The following EIF3E variants were observed in gnomAD, a reference collection of about 807,000 sequenced individuals.
The protein encoded by EIF3E is eIF-3 p48.
Under a neutral mutation model 59.3 loss-of-function variants are expected in EIF3E, and 25 were observed. The observed-to-expected ratio is 0.42, with a 90% confidence interval of 0.31 to 0.59. The LOEUF (loss-of-function observed/expected upper bound fraction) is 0.59. Among genes scored for constraint, EIF3E ranks in the 20% least tolerant of loss-of-function variants. The pLI, the probability that EIF3E is intolerant of heterozygous loss-of-function variation, is 0.15. For missense variants in EIF3E, 317 were observed against 534.3 expected, an observed-to-expected ratio of 0.59 and a Z score of 4.01; for synonymous variants, 176 against 170.2, an observed-to-expected ratio of 1.03 and a Z score of -0.26.
At chr8:108,229,237 G>C (rs1563633822) in intron 5 of EIF3E, 42 bp from the exon 6 acceptor site, 1 of 1,592,006 alleles carries the variant, frequency 6.3e-7, no homozygotes, top group East Asian at 2.2e-5. Flanking sequence ...GAATACTCTT[G>C]AAAAATGAAC....
chr8:108,203,987 AT>A (rs1248139346), intron 10 of EIF3E, among the ~76,000 whole-genome samples: 1 of 152,114 alleles, frequency 6.6e-6, no homozygotes, highest in Admixed American at 6.6e-5. Flanking sequence ...CCAATACAGT[AT>A]AACACCTATT....
chr8:108,242,777 C>A, intron 1 of EIF3E: 1 of 543,252 alleles, frequency 1.8e-6, no homozygotes, highest in Non-Finnish European at 2.4e-6. Context: ...ACCAAATGGC[C>A]AACAGACACA....
chr8:108,224,655 T>C (rs1204936350), intron 7 of EIF3E, among the ~76,000 whole-genome samples: 5 of 151,558 alleles, frequency 3.3e-5, no homozygotes, highest in Admixed American at 3.3e-4. Context: ...TACTACTGAG[T>C]AGTTTTCTTT....
chr8:108,208,763 A>C (rs1815154626), intron 10 of EIF3E, among the ~76,000 whole-genome samples: 1 of 152,102 alleles, frequency 6.6e-6, no homozygotes, highest in Non-Finnish European at 1.5e-5. Context: ...CATGTTTATC[A>C]TACACATCCA....
chr8:108,229,211 T>A lies in EIF3E; in HGVS notation c.472-16A>T, dbSNP rs1815576297. 2 of 1,610,298 alleles carry A rather than the reference T, an allele frequency of 1.2e-6. No homozygotes were observed. Among genetic ancestry groups the A allele is most frequent in the Non-Finnish European group, 1.7e-6 (2 of 1,177,750 alleles). ...TTGCTGGAACCTGTTTAAGAAATCA[T>A]AATTAATTATATTGTGAATACTCTT... On this transcript the variant is annotated splice_polypyrimidine_tract_variant and intron_variant, in intron 5 of 12. Coordinates refer to ENST00000220849, the MANE Select transcript of EIF3E (RefSeq NM_001568.3).
intron 7 of EIF3E, among the ~76,000 whole-genome samples, chr8:108,219,963 T>G (rs576095465): frequency 1.1e-3 from 167 of 152,164 alleles, no homozygotes; most frequent in African/African-American, 3.9e-3. Context: ...GCCAACACGG[T>G]GAAACCCTGT....
At position 108,201,343 on chromosome 8, in the gene EIF3E, T is replaced by C. The variant is rs1814993175; in HGVS notation, c.*542A>G. 1 of 150,866 alleles carries C rather than the reference T, an allele frequency of 6.6e-6. No individual in the cohort carries two copies. The highest frequency in any genetic ancestry group is 2.1e-4 in the South Asian group (1 of 4,790). 9.3% of individuals were successfully genotyped at this position (150,866 alleles called of 1,614,324 possible). A position where few individuals can be genotyped will look rare whatever the true frequency, so the allele number is the denominator to read the frequency against. The stretch of plus-strand genomic sequence containing the variant: ...CTAATCTCAAAGGTTGTGTATTATG[T>C]AATTCCATTTATATAACATTCTCAT... On this transcript the variant is annotated 3_prime_UTR_variant, in exon 13 of 13. Coordinates refer to ENST00000220849, the MANE Select transcript of EIF3E (RefSeq NM_001568.3).
rs1815322900 is a variant in EIF3E, at chr8:108,217,326, AGT to A, written c.849+6_849+7del. On this transcript the variant is annotated splice_donor_region_variant and intron_variant, in intron 8 of 12. Transcript: ENST00000220849. ...AAAAAAAAAAATCAATATATATTTT[AGT>A]TTTACCTGTTGAATAACTTTAACTA... 2.0e-6 allele frequency: 3 copies of A among 1,525,406 alleles called. No individual in the cohort carries two copies. Among genetic ancestry groups the A allele is most frequent in the Non-Finnish European group, 2.6e-6 (3 of 1,137,458 alleles). The allele number at this position is 1,525,406 out of a possible 1,614,324, so 94.5% of individuals were successfully genotyped here.
At chr8:108,204,290 G>A (rs1815050104) in intron 10 of EIF3E, among the ~76,000 whole-genome samples, 1 of 151,960 alleles carries the variant, frequency 6.6e-6, no homozygotes, top group Non-Finnish European at 1.5e-5. Flanking sequence ...ATTCACTTAG[G>A]AACCAACCTA....
intron 7 of EIF3E, among the ~76,000 whole-genome samples, chr8:108,220,697 G>C (rs1194478222): frequency 6.6e-6 from 1 of 152,318 alleles, no homozygotes; most frequent in East Asian, 1.9e-4. Context: ...TCTCTCCCCA[G>C]ATCAACATGC....
chr8:108,231,838 C>T (rs1469599854), intron 5 of EIF3E: 8 of 151,606 alleles, frequency 5.3e-5, no homozygotes, highest in South Asian at 2.1e-4. Flanking sequence ...CTAAAATCCA[C>T]GAGTCTTTTC....
chr8:108,240,180 T>G (rs1563637567), intron 2 of EIF3E, 105 bp from the exon 3 acceptor site: 1 of 893,436 alleles, frequency 1.1e-6, no homozygotes, highest in East Asian at 2.4e-5. Context: ...ACTATACATA[T>G]ATTTATTTAC....
chr8:108,204,731 G>GTGTATATATATATATATA (rs1554597993), intron 10 of EIF3E, among the ~76,000 whole-genome samples: 2 of 86,782 alleles, frequency 2.3e-5, no homozygotes, highest in Non-Finnish European at 4.9e-5. Flanking sequence ...TAGTATGTAT[G>GTGTATATATATATATATA]TATATATATA....
chr8:108,213,157 A>G (rs1815242618), intron 10 of EIF3E, among the ~76,000 whole-genome samples: 1 of 152,184 alleles, frequency 6.6e-6, no homozygotes, highest in Non-Finnish European at 1.5e-5. Context: ...TACTTAATCT[A>G]TGTTCCTCTT....
chr8:108,241,977 A>G, intron 1 of EIF3E, 64 bp from the exon 2 acceptor site: 1 of 1,247,390 alleles, frequency 8.0e-7, no homozygotes, highest in South Asian at 1.4e-5. Context: ...GATTAATACT[A>G]AAACTAATTT....
Position 108,203,523 on chromosome 8 carries a change from A to C in EIF3E, c.1062-20T>G. On this transcript the variant is annotated intron_variant, in intron 10 of 12. Coordinates refer to ENST00000220849, the MANE Select transcript of EIF3E (RefSeq NM_001568.3). ...AACATGCTAATGAAAAAGTAAAAAC[A>C]GCAATGTTAATTAACTGGGCCTAAA... 1.2e-6 allele frequency: 2 copies of C among 1,604,328 alleles called. No homozygotes were observed. The highest frequency in any genetic ancestry group is 4.5e-5 in the East Asian group (2 of 44,728).
At chr8:108,215,767 T>C (rs1815290479) in intron 9 of EIF3E, among the ~76,000 whole-genome samples, 1 of 152,218 alleles carries the variant, frequency 6.6e-6, no homozygotes, top group Non-Finnish European at 1.5e-5. Flanking sequence ...AACTTGTGAA[T>C]CTGGTAAATG....
rs756249183 is a variant in EIF3E at position 108,203,146 on chromosome 8, TATA to T, written c.1165-32_1165-30del. 252 of 1,601,446 alleles carry T rather than the reference TATA, an allele frequency of 1.6e-4. 3 individuals carry two copies. The South Asian group carries it at 2.6e-3, about 17-fold the overall frequency. On this transcript the variant is annotated intron_variant, in intron 11 of 12. Coordinates refer to ENST00000220849, the MANE Select transcript of EIF3E (RefSeq NM_001568.3). ...AAAGGAAACACAGGGAAATTGATCC[TATA>T]ATGTTAATGACTGAGTTTCTCAGGT...
At chr8:108,237,496 C>A (rs896952634) in intron 3 of EIF3E, among the ~76,000 whole-genome samples, 11 of 152,218 alleles carry the variant, frequency 7.2e-5, no homozygotes, top group African/African-American at 2.7e-4. Flanking sequence ...AAGTGATCCA[C>A]CCACCTTGGC....
Sources: allele counts gnomAD v4.1 joint callset (sites outside exome capture counted in the v4.1 genomes callset), GRCh38; gene constraint gnomAD v4.1.1; transcripts MANE v1.5; gene names NCBI Gene and HGNC (gene_info 2026-07-23, HGNC 2026-07-21).